COX7B2: variants seen among roughly 807,000 people sequenced by gnomAD.
COX7B2 encodes the protein cytochrome c oxidase subunit 7B2, mitochondrial.
For synonymous variants in COX7B2, 37 were observed against 32.1 expected (o/e 1.15, Z -0.51); for missense variants, 109 against 95.9 (o/e 1.14, Z -0.57).
intron 1 of COX7B2, among the ~76,000 whole-genome samples, chr4:46,891,931 A>G (rs1284324120): frequency 1.3e-5 from 2 of 152,178 alleles, no homozygotes; most frequent in Admixed American, 1.3e-4. Flanking sequence ...TGCGAAACAC[A>G]TATCTTATGT....
chr4:46,879,659 TCAATA>T (rs1403162300), intron 1 of COX7B2, among the ~76,000 whole-genome samples: 1 of 151,914 alleles, frequency 6.6e-6, no homozygotes, highest in Non-Finnish European at 1.5e-5. Flanking sequence ...TTGTACCTCT[TCAATA>T]CATTTATTGT....
chr4:46,830,991 G>A (rs1395030882), intron 2 of COX7B2, among the ~76,000 whole-genome samples: 2 of 152,322 alleles, frequency 1.3e-5, no homozygotes, highest in East Asian at 3.9e-4. Context: ...CCCCTTCCTG[G>A]GATGGCTGAG....
intron 2 of COX7B2, among the ~76,000 whole-genome samples, chr4:46,742,992 T>C (rs1428719574): frequency 6.6e-6 from 1 of 152,162 alleles, no homozygotes; most frequent in Non-Finnish European, 1.5e-5. Flanking sequence ...ACCCATAATA[T>C]TTTCTTTAAT....
intron 1 of COX7B2, among the ~76,000 whole-genome samples, chr4:46,869,719 T>G (rs1046744610): frequency 6.6e-6 from 1 of 152,180 alleles, no homozygotes; most frequent in Non-Finnish European, 1.5e-5. Flanking sequence ...TTCTGGCTTG[T>G]AGGATTTCAG....
At chr4:46,767,356 A>AT (rs1716602605) in intron 2 of COX7B2, among the ~76,000 whole-genome samples, 1 of 152,340 alleles carries the variant, frequency 6.6e-6, no homozygotes, top group East Asian at 1.9e-4. Flanking sequence ...TTACCTAAGT[A>AT]TATAAAGCAA....
chr4:46,879,309 CACT>C (rs1340695319), intron 1 of COX7B2, among the ~76,000 whole-genome samples: 3 of 151,892 alleles, frequency 2.0e-5, no homozygotes, highest in African/African-American at 4.8e-5. Flanking sequence ...AGCCATGTAC[CACT>C]GTGTCTAATT....
intron 1 of COX7B2, among the ~76,000 whole-genome samples, chr4:46,905,810 A>ATTTTTTTTTTT (rs1172630222): frequency 1.7e-5 from 1 of 60,444 alleles, no homozygotes; most frequent in Non-Finnish European, 3.4e-5. Context: ...ATAAGCATAT[A>ATTTTTTTTTTT]TTTCTTTTTT....
At chr4:46,880,784 A>T (rs1487320751) in intron 1 of COX7B2, among the ~76,000 whole-genome samples, 1 of 138,702 alleles carries the variant, frequency 7.2e-6, no homozygotes, top group Non-Finnish European at 1.5e-5. Flanking sequence ...ATAGGTGGGA[A>T]TTGAACAATG....
At chr4:46,884,161 T>C (rs188032516) in intron 1 of COX7B2, among the ~76,000 whole-genome samples, 3 of 123,198 alleles carry the variant, frequency 2.4e-5, no homozygotes, top group Admixed American at 1.9e-4. Context: ...TATCTAATTA[T>C]GTGTGAGGGG....
At chr4:46,889,998 A>G (rs1354770449) in intron 1 of COX7B2, among the ~76,000 whole-genome samples, 1 of 151,964 alleles carries the variant, frequency 6.6e-6, no homozygotes, top group Non-Finnish European at 1.5e-5. Flanking sequence ...AATATATGCC[A>G]GCATCCTGAA....
At chr4:46,804,304 G>T (rs189514962) in intron 2 of COX7B2, among the ~76,000 whole-genome samples, 1 of 152,152 alleles carries the variant, frequency 6.6e-6, no homozygotes, top group African/African-American at 2.4e-5. Context: ...TCCACGGTAC[G>T]GAAAGGGACC....
chr4:46,831,357 C>T (rs1056544325), intron 2 of COX7B2, among the ~76,000 whole-genome samples: 6 of 152,146 alleles, frequency 3.9e-5, no homozygotes, highest in African/African-American at 7.2e-5. Flanking sequence ...CTGTGCGGCC[C>T]GAGCCTCCTC....
At chr4:46,897,795 AC>A (rs972136287) in intron 1 of COX7B2, among the ~76,000 whole-genome samples, 1 of 152,134 alleles carries the variant, frequency 6.6e-6, no homozygotes, top group African/African-American at 2.4e-5. Flanking sequence ...CCCCCACTAA[AC>A]ACCTCACCCC....
chr4:46,842,384 T>C (rs1715987176), intron 2 of COX7B2, among the ~76,000 whole-genome samples: 1 of 151,958 alleles, frequency 6.6e-6, no homozygotes, highest in Admixed American at 6.6e-5. Flanking sequence ...AGCACAGTGG[T>C]TGTGAGCTCA....
chr4:46,780,222 C>T (rs187033838), intron 2 of COX7B2, among the ~76,000 whole-genome samples: 1 of 152,208 alleles, frequency 6.6e-6, no homozygotes, highest in East Asian at 1.9e-4. Context: ...TGCTCAAAGT[C>T]TAAACCCCTG....
intron 2 of COX7B2, among the ~76,000 whole-genome samples, chr4:46,823,565 T>G (rs1464007822): frequency 6.7e-6 from 1 of 148,522 alleles, no homozygotes; most frequent in Non-Finnish European, 1.5e-5. Context: ...ATGAAAAATT[T>G]TAATATAAAA....
chr4:46,785,413 A>G (rs6820969), intron 2 of COX7B2, among the ~76,000 whole-genome samples: 51,955 of 149,484 alleles, frequency 0.35, 9,187 homozygotes, highest in South Asian at 0.48. Flanking sequence ...TTGCTCTGTC[A>G]CCCAGACTGG....
chr4:46,882,544 T>C (rs188210984), intron 1 of COX7B2, among the ~76,000 whole-genome samples: 1 of 152,372 alleles, frequency 6.6e-6, no homozygotes, highest in Non-Finnish European at 1.5e-5. Context: ...TATCATTATG[T>C]AATGCCTTTC....
chr4:46,896,514 C>T (rs1719771352), intron 1 of COX7B2, among the ~76,000 whole-genome samples: 1 of 152,098 alleles, frequency 6.6e-6, no homozygotes, highest in Non-Finnish European at 1.5e-5. Flanking sequence ...TATAGGCAAG[C>T]CAATCACACT....
Sources: gnomAD v4.1 joint callset for allele counts (sites outside exome capture counted in the v4.1 genomes callset) on GRCh38, gnomAD v4.1.1 for gene constraint, MANE v1.5 for transcripts, NCBI Gene and HGNC (gene_info 2026-07-23, HGNC 2026-07-21) for gene names.